Variants in ZNF701 observed in about 807,000 individuals in gnomAD.
The protein encoded by ZNF701 is zinc finger protein 701.
Under a neutral mutation model 7.1 loss-of-function variants are expected in ZNF701, and 6 were observed. That is an observed-to-expected ratio of 0.84 (90% CI 0.46 to 1.66). ZNF701 has a LOEUF of 1.66. Among genes scored for constraint, ZNF701 ranks in the 40% most tolerant of loss-of-function variants. ZNF701 has a pLI of 0.01. For missense variants in ZNF701, 541 were observed against 559.2 expected (o/e 0.97, Z 0.33); for synonymous variants, 166 against 188.2 (o/e 0.88, Z 0.97).
At chr19:52,594,419 T>C in the ZNF701 span, 1 of 152,414 alleles carries the variant, frequency 6.6e-6, no homozygotes, top group African/African-American at 2.4e-5. Context: ...CTTGAACTCC[T>C]GGTCTCAAGC....
chr19:52,582,343 A>G lies in ZNF701; in HGVS notation c.284A>G (p.His95Arg), dbSNP rs1247849896. The stretch of plus-strand genomic sequence containing the variant: ...TTCCAGGAAATTGAGAAAGATATTC[A>G]TGACTTTGTGTTTCAGTGGCAAGAA... ...TCFQEIEKDI[H>R]DFVFQWQENE... is the part of the protein sequence containing the mutation. Residue 95 changes from histidine (H) to arginine (R), a missense_variant, in exon 4 of 4, where the codon CAT (histidine) becomes CGT (arginine). Coordinates refer to ENST00000391785, the MANE Select transcript of ZNF701 (RefSeq NM_018260.3). The G allele has an allele frequency of 1.2e-6, 2 of 1,613,726 alleles. No homozygotes were observed. Among genetic ancestry groups the G allele is most frequent in the Non-Finnish European group, 1.7e-6 (2 of 1,179,954 alleles).
Position 52,583,903 on chromosome 19 carries a change from ACAT to A in ZNF701, c.*450_*452del, listed in dbSNP as rs915969181. On this transcript the variant is annotated 3_prime_UTR_variant, in exon 4 of 4. Transcript: ENST00000391785. ...GTAATAAATGTGGCAAGTTTTTCAG[ACAT>A]CATTCATAACTTGCAGTTCATTGGC... is the stretch of plus-strand genomic sequence containing the variant. 9.5e-6 allele frequency: 4 copies of A among 420,154 alleles called. No homozygotes were observed. The highest frequency in any genetic ancestry group is 1.9e-5 in the Non-Finnish European group (4 of 212,120). 26.0% of individuals were successfully genotyped at this position (420,154 alleles called of 1,614,324 possible). A position where few individuals can be genotyped will look rare whatever the true frequency, so the allele number is the denominator to read the frequency against.
downstream of ZNF701, among the ~76,000 whole-genome samples, chr19:52,591,850 C>T (rs2147008331): frequency 6.6e-6 from 1 of 152,304 alleles, no homozygotes; most frequent in Non-Finnish European, 1.5e-5. Context: ...GGCACTGCAC[C>T]TGGCCATATA....
chr19:52,590,901 G>A (rs564679917), downstream of ZNF701, among the ~76,000 whole-genome samples: 7 of 152,188 alleles, frequency 4.6e-5, no homozygotes, highest in South Asian at 6.2e-4. Flanking sequence ...GTGCAGTGGC[G>A]CCATCTAGGC....
downstream of ZNF701, among the ~76,000 whole-genome samples, chr19:52,587,907 G>T (rs1215054124): frequency 1.3e-5 from 2 of 152,324 alleles, no homozygotes; most frequent in African/African-American, 4.8e-5. Flanking sequence ...ACTGAGATCA[G>T]CCTGTGATCC....
chr19:52,580,830 G>A (rs1011358314), intron 3 of ZNF701, among the ~76,000 whole-genome samples: 21 of 152,166 alleles, frequency 1.4e-4, no homozygotes, highest in African/African-American at 4.3e-4. Context: ...ACTCGTTACT[G>A]TCACAAAGTG....
chr19:52,574,987 C>T (rs1455304641), intron 2 of ZNF701, among the ~76,000 whole-genome samples: 2 of 151,748 alleles, frequency 1.3e-5, no homozygotes, highest in Non-Finnish European at 2.9e-5. Flanking sequence ...TTTGTTTTTT[C>T]GAGACGGAGT....
intron 3 of ZNF701, among the ~76,000 whole-genome samples, chr19:52,580,869 A>G (rs2059970775): frequency 1.3e-5 from 2 of 150,140 alleles, no homozygotes; most frequent in African/African-American, 4.9e-5. Context: ...CATGCCTGTA[A>G]TCCCAGGACT....
rs2060013524 is a variant in ZNF701, at chr19:52,586,588, A to G, written c.*3131A>G. ...CATTTTGTAGAAGGATGGCCAACGC[A>G]GCCTGTTGACCCTTCCTGGCCATCA... On this transcript the variant is annotated 3_prime_UTR_variant, in exon 4 of 4. Transcript: ENST00000391785. 1 of 152,256 alleles carries G rather than the reference A, an allele frequency of 6.6e-6. No individual in the cohort carries two copies. Among genetic ancestry groups the G allele is most frequent in the East Asian group, 1.9e-4 (1 of 5,140 alleles). The allele number at this position is 152,256 out of a possible 1,614,324, so 9.4% of individuals were successfully genotyped here. A position where few individuals can be genotyped will look rare whatever the true frequency, so the allele number is the denominator to read the frequency against.
rs914000011 is a variant in ZNF701 at position 52,575,660 on chromosome 19, C to T, written c.16-235C>T. 4.7e-5 allele frequency: 17 copies of T among 361,612 alleles called. No homozygotes were observed. The East Asian group carries it at 8.5e-4, about 18-fold the overall frequency. 22.4% of individuals were successfully genotyped at this position (361,612 alleles called of 1,614,324 possible). ...GACAACAGATGCCTGCCACCATACCCGGCTAATTATTTATTTCTAACGTAA... is the reference window on the plus strand; with the variant it reads ...GACAACAGATGCCTGCCACCATACCTGGCTAATTATTTATTTCTAACGTAA... On this transcript the variant is annotated intron_variant, in intron 2 of 3. Transcript: ENST00000391785.
chr19:52,595,673 G>A, the ZNF701 span: 1 of 1,337,454 alleles, frequency 7.5e-7, no homozygotes, highest in Non-Finnish European at 1.1e-6. Flanking sequence ...TAATACAGGA[G>A]AAGTGATTCA....
At chr19:52,599,765 C>A in the ZNF701 span, among the ~76,000 whole-genome samples, 1 of 152,122 alleles carries the variant, frequency 6.6e-6, no homozygotes, top group African/African-American at 2.4e-5. Context: ...ATCATATATT[C>A]TAAATTTTAT....
downstream of ZNF701, among the ~76,000 whole-genome samples, chr19:52,588,966 C>T (rs1271904935): frequency 6.6e-6 from 1 of 152,212 alleles, no homozygotes; most frequent in Non-Finnish European, 1.5e-5. Context: ...TGGTCTCAAA[C>T]CCCTGACTTC....
rs2059997171 is a variant in ZNF701, at chr19:52,584,622, T to G, written c.*1165T>G. On this transcript the variant is annotated 3_prime_UTR_variant, in exon 4 of 4. Coordinates refer to ENST00000391785, the MANE Select transcript of ZNF701 (RefSeq NM_018260.3). ...TCATTTTGGTTAATGTTTGTAGATT[T>G]CAAGGTGTGAAATTCTCAGTTTTTT... 6.6e-6 allele frequency: 1 copy of G among 152,278 alleles called. No homozygotes were observed. The highest frequency in any genetic ancestry group is 1.5e-5 in the Non-Finnish European group (1 of 68,056). The allele number at this position is 152,278 out of a possible 1,614,324, so 9.4% of individuals were successfully genotyped here.
chr19:52,582,706 A>T lies in ZNF701; in HGVS notation c.647A>T (p.Gln216Leu). 6.2e-7 allele frequency: 1 copy of T among 1,614,196 alleles called. No individual in the cohort carries two copies. Among genetic ancestry groups the T allele is most frequent in the Non-Finnish European group, 8.5e-7 (1 of 1,180,024 alleles). ...REVHTREKSF[Q>L]RNESGKAFNG... ...GTACACACAAGAGAAAAATCTTTCCAACGTAATGAGAGTGGCAAAGCCTTT... is the reference window on the plus strand; with the variant it reads ...GTACACACAAGAGAAAAATCTTTCCTACGTAATGAGAGTGGCAAAGCCTTT... Residue 216 changes from glutamine to leucine, a missense_variant, in exon 4 of 4, where the codon CAA becomes CTA. Physicochemically the swap from Gln to Leu is moderately radical, Grantham distance 113 (BLOSUM62 -2). Transcript: ENST00000391785.
chr19:52,579,842 C>A, intron 3 of ZNF701, among the ~76,000 whole-genome samples: 1 of 137,834 alleles, frequency 7.3e-6, no homozygotes, highest in Non-Finnish European at 1.5e-5. Context: ...CCGTCGCACT[C>A]CAGCATGGGA....
intron 2 of ZNF701, among the ~76,000 whole-genome samples, chr19:52,575,110 C>T (rs1369162026): frequency 6.6e-6 from 1 of 152,176 alleles, no homozygotes; most frequent in Non-Finnish European, 1.5e-5. Flanking sequence ...GCTGGGACTA[C>T]AGGCACCCCC....
the ZNF701 span, chr19:52,595,783 A>C: frequency 6.2e-7 from 1 of 1,601,478 alleles, no homozygotes; most frequent in Non-Finnish European, 8.6e-7. Context: ...AGTGGCAAGA[A>C]ATTTAAAGAA....
intron 1 of ZNF701, among the ~76,000 whole-genome samples, chr19:52,573,525 C>T (rs2059913473): frequency 6.6e-6 from 1 of 152,180 alleles, no homozygotes; most frequent in Non-Finnish European, 1.5e-5. Context: ...GCATGAACCA[C>T]CGCACCCAGC....
Sources: gnomAD v4.1 joint callset for allele counts (sites outside exome capture counted in the v4.1 genomes callset) on GRCh38, gnomAD v4.1.1 for gene constraint, MANE v1.5 for transcripts, NCBI Gene and HGNC (gene_info 2026-07-23, HGNC 2026-07-21) for gene names.